The following SPPL2A variants were observed in gnomAD, a reference collection of about 807,000 sequenced individuals.
SPPL2A encodes signal peptide peptidase-like 2A.
SPPL2A carries 51 observed loss-of-function variants against 63.8 expected under a neutral mutation model. The ratio of observed to expected loss-of-function variants is 0.80; its 90% CI spans 0.64 to 1.01. The LOEUF (loss-of-function observed/expected upper bound fraction) is 1.01. Ranked by LOEUF, SPPL2A falls within the 50% of genes least tolerant of loss-of-function variation. The pLI, the probability that SPPL2A is intolerant of heterozygous loss-of-function variation, is 0.00. For missense variants in SPPL2A, 553 were observed against 622.7 expected (o/e 0.89, Z 1.19); for synonymous variants, 188 against 205.8 (o/e 0.91, Z 0.74).
At chr15:50,747,990 T>G (rs542359127) in intron 4 of SPPL2A, 123 bp downstream of exon 4, 2 of 474,076 alleles carry the variant, frequency 4.2e-6, no homozygotes, top group South Asian at 6.1e-5. Context: ...AAAAACTTGA[T>G]AGGCCTTATA....
chr15:50,747,439 G>C (rs1001361812), intron 5 of SPPL2A, 56 bp downstream of exon 5: 6 of 1,435,622 alleles, frequency 4.2e-6, no homozygotes, highest in Non-Finnish European at 5.8e-6. Context: ...TAATTAAAAT[G>C]ATTGCAGAAA....
At position 50,720,097 on chromosome 15, in the gene SPPL2A, T is replaced by C. The variant is rs774432755; in HGVS notation, c.1331A>G (p.Tyr444Cys). The C allele has an allele frequency of 4.4e-6, 7 of 1,604,246 alleles. No homozygotes were observed. The highest frequency in any genetic ancestry group is 3.4e-5 in the South Asian group (3 of 88,942). The change falls in exon 14 of 15, where the codon TAT becomes TGT. Residue 444 changes from tyrosine (Y) to cysteine (C), a missense_variant. Physicochemically the swap from Tyr to Cys is radical, Grantham distance 194. Transcript: ENST00000261854. ...YIYYVSSTVA[Y>C]AIGMILTFVV... ...AAATGTAAGTATCATGCCAATAGCATAGGCTGCAAGAAGAATACCAAGCTA... is the reference window on the plus strand; with the variant it reads ...AAATGTAAGTATCATGCCAATAGCACAGGCTGCAAGAAGAATACCAAGCTA...
chr15:50,757,347 G>T (rs1430034941), intron 1 of SPPL2A, among the ~76,000 whole-genome samples: 1 of 152,130 alleles, frequency 6.6e-6, no homozygotes, highest in African/African-American at 2.4e-5. Flanking sequence ...CTCCCAAAGT[G>T]CTGGGATTAC....
chr15:50,722,493 G>A (rs975248290), intron 12 of SPPL2A, among the ~76,000 whole-genome samples: 2 of 151,430 alleles, frequency 1.3e-5, no homozygotes, highest in Non-Finnish European at 2.9e-5. Flanking sequence ...GTCTCGCTCT[G>A]TTGCCCAGGA....
intron 1 of SPPL2A, among the ~76,000 whole-genome samples, chr15:50,750,709 T>C (rs985628324): frequency 1.3e-5 from 2 of 152,064 alleles, no homozygotes; most frequent in African/African-American, 4.8e-5. Flanking sequence ...GAGGAGAGTA[T>C]AAAATGAAGA....
chr15:50,721,325 C>T (rs574588704), intron 13 of SPPL2A, among the ~76,000 whole-genome samples: 2 of 152,120 alleles, frequency 1.3e-5, no homozygotes, highest in Non-Finnish European at 2.9e-5. Flanking sequence ...TGAGCCACCA[C>T]GTCTGGCCAG....
chr15:50,740,423 G>A (rs1234197701), intron 5 of SPPL2A, among the ~76,000 whole-genome samples: 4 of 94,048 alleles, frequency 4.3e-5, no homozygotes, highest in Admixed American at 1.5e-4. Flanking sequence ...GCGAAACTCC[G>A]TCTCAAAAAA....
chr15:50,734,484 C>T (rs2062754983), intron 8 of SPPL2A, among the ~76,000 whole-genome samples: 1 of 151,926 alleles, frequency 6.6e-6, no homozygotes. Flanking sequence ...AAAAATGGAA[C>T]TCATGGAGAT....
rs1271870163 is a variant in SPPL2A, at chr15:50,765,488, A to G, written c.46T>C (p.Trp16Arg). 1.1e-5 allele frequency: 17 copies of G among 1,503,632 alleles called. No homozygotes were observed. The highest frequency in any genetic ancestry group is 2.1e-5 in the Admixed American group (1 of 47,630). The allele number at this position is 1,503,632 out of a possible 1,614,324, so 93.1% of individuals were successfully genotyped here. Residue 16 changes from tryptophan (W) to arginine (R), a missense_variant, in exon 1 of 15, where the codon TGG (tryptophan) becomes CGG (arginine). Coordinates refer to ENST00000261854, the MANE Select transcript of SPPL2A (RefSeq NM_032802.4). ...CTTACCAGCTGGAGCAGGAAGCCCC[A>G]GAGTAGGGCGGCCCCGGCAGGGGAC... ...RLSPAGAALLWGFLLQLTAAQ... is the reference protein window; with the variant it reads ...RLSPAGAALLRGFLLQLTAAQ...
At chr15:50,707,920 C>T (rs929827761) in intron 14 of SPPL2A, 46 bp from the exon 15 acceptor site, 1 of 982,822 alleles carries the variant, frequency 1.0e-6, no homozygotes, top group Non-Finnish European at 1.6e-6. Flanking sequence ...TTTCAACTTG[C>T]CCCCAATATT....
intron 14 of SPPL2A, among the ~76,000 whole-genome samples, chr15:50,716,905 A>G (rs2062603132): frequency 6.6e-6 from 1 of 152,078 alleles, no homozygotes; most frequent in Non-Finnish European, 1.5e-5. Flanking sequence ...TCAACTGCCT[A>G]TTATTTCTCT....
intron 10 of SPPL2A, among the ~76,000 whole-genome samples, chr15:50,727,429 A>G (rs1175828830): frequency 6.6e-6 from 1 of 152,218 alleles, no homozygotes; most frequent in East Asian, 1.9e-4. Flanking sequence ...ACTAATACTA[A>G]GTACAGTTCC....
chr15:50,764,821 T>C (rs1403766576), intron 1 of SPPL2A, among the ~76,000 whole-genome samples: 1 of 152,164 alleles, frequency 6.6e-6, no homozygotes, highest in Non-Finnish European at 1.5e-5. Flanking sequence ...TCCCTTTAAA[T>C]TAGGCAGAAA....
intron 14 of SPPL2A, among the ~76,000 whole-genome samples, chr15:50,714,822 A>C (rs1433875274): frequency 6.6e-6 from 1 of 151,210 alleles, no homozygotes; most frequent in East Asian, 2.0e-4. Flanking sequence ...GCATGCCTAT[A>C]ATCCCAGCTA....
intron 2 of SPPL2A, 38 bp from the exon 3 acceptor site, chr15:50,748,908 C>T (rs1282850600): frequency 2.2e-6 from 3 of 1,358,850 alleles, no homozygotes; most frequent in Non-Finnish European, 3.0e-6. Flanking sequence ...TGTTAAAAAT[C>T]TATTTCATCC....
chr15:50,736,289 TAAG>T, intron 7 of SPPL2A, 87 bp from the exon 8 acceptor site: 1 of 774,658 alleles, frequency 1.3e-6, no homozygotes, highest in African/African-American at 1.7e-5. Context: ...ACCACAGTCA[TAAG>T]AAGTGACTGA....
Position 50,703,349 on chromosome 15 carries a change from T to G in SPPL2A, c.*4451A>C, listed in dbSNP as rs375533719. 2 of 88,002 alleles carry G rather than the reference T, an allele frequency of 2.3e-5. No individual in the cohort carries two copies. The highest frequency in any genetic ancestry group is 4.3e-5 in the Non-Finnish European group (2 of 46,676). The allele number at this position is 88,002 out of a possible 1,614,324, so 5.5% of individuals were successfully genotyped here. ...ACATATATATATATATATATATACA[T>G]ATATATATTTTTTTTTTTTTTTTTT... On this transcript the variant is annotated 3_prime_UTR_variant, in exon 15 of 15. Coordinates refer to ENST00000261854, the MANE Select transcript of SPPL2A (RefSeq NM_032802.4).
At chr15:50,756,213 T>C (rs753695446) in intron 1 of SPPL2A, among the ~76,000 whole-genome samples, 6 of 151,452 alleles carry the variant, frequency 4.0e-5, no homozygotes, top group Non-Finnish European at 8.8e-5. Flanking sequence ...ACAAAAAAAT[T>C]AGCCAGGTGT....
At chr15:50,730,054 G>C (rs2141033708) in intron 10 of SPPL2A, among the ~76,000 whole-genome samples, 1 of 151,468 alleles carries the variant, frequency 6.6e-6, no homozygotes, top group East Asian at 1.9e-4. Context: ...AAATATATGA[G>C]TGACAAAGGA....
Sources: gnomAD v4.1 joint callset for allele counts (sites outside exome capture counted in the v4.1 genomes callset) on GRCh38, gnomAD v4.1.1 for gene constraint, MANE v1.5 for transcripts, NCBI Gene and HGNC (gene_info 2026-07-23, HGNC 2026-07-21) for gene names.